GRID2: variants seen among roughly 807,000 people sequenced by gnomAD.
GRID2 encodes the protein glutamate ionotropic receptor delta type subunit 2, also known as glutamate receptor ionotropic, delta-2.
Under a neutral mutation model 114.8 loss-of-function variants are expected in GRID2, and 33 were observed. The ratio of observed to expected loss-of-function variants is 0.29; its 90% CI spans 0.22 to 0.38. GRID2 has a LOEUF of 0.38. GRID2 is among the 10% of genes least tolerant of loss of function. The pLI is 1.00. For synonymous variants in GRID2, 505 were observed against 449.9 expected, an observed-to-expected ratio of 1.12 and a Z score of -1.55; for missense variants, 1,184 against 1,257.7, an observed-to-expected ratio of 0.94 and a Z score of 0.89.
At chr4:93,014,125 G>C (rs1439496341) in intron 2 of GRID2, among the ~76,000 whole-genome samples, 1 of 151,898 alleles carries the variant, frequency 6.6e-6, no homozygotes. Context: ...TAGAAATATG[G>C]GTGTTCTACA....
intron 14 of GRID2, among the ~76,000 whole-genome samples, chr4:93,682,616 T>A (rs375511222): frequency 0.025 from 3,784 of 152,074 alleles, 65 homozygotes; most frequent in Non-Finnish European, 0.027. Context: ...AAATGATGAG[T>A]TCATGTCCTT....
chr4:93,530,472 A>G (rs781742760), intron 13 of GRID2, among the ~76,000 whole-genome samples: 1 of 152,082 alleles, frequency 6.6e-6, no homozygotes, highest in African/African-American at 2.4e-5. Context: ...ATGTTCTTAC[A>G]TATCAGGTAT....
At chr4:93,497,008 G>T (rs948970471) in intron 12 of GRID2, among the ~76,000 whole-genome samples, 2 of 151,532 alleles carry the variant, frequency 1.3e-5, no homozygotes, top group African/African-American at 4.8e-5. Flanking sequence ...CATTGTATGA[G>T]AGATCAAGGG....
chr4:92,974,765 C>A (rs1392480171), intron 2 of GRID2, among the ~76,000 whole-genome samples: 3 of 151,888 alleles, frequency 2.0e-5, no homozygotes, highest in African/African-American at 7.3e-5. Flanking sequence ...AGCAAACCAC[C>A]AGGGCACGTG....
chr4:93,042,679 C>CTATATATAGATATATGCA (rs1725693307), intron 2 of GRID2, among the ~76,000 whole-genome samples: 1 of 136,936 alleles, frequency 7.3e-6, no homozygotes, highest in Non-Finnish European at 1.6e-5. Context: ...CTCTATATAT[C>CTATATATAGATATATGCA]TATATATATA....
rs1047555458 is a variant in GRID2, at chr4:93,664,522, A to C, written c.2360+38087A>C. Among the ~76,000 whole-genome samples the C allele has an allele frequency of 4.6e-5, 7 of 152,164 alleles. No individual in the cohort carries two copies. The South Asian group carries it at 1.4e-3, about 31-fold the overall frequency. On this transcript the variant is annotated intron_variant, in intron 14 of 15. Transcript: ENST00000282020. ...AATAGCTGAGACAGAATTTGCTAAC[A>C]TGTTGGATGTGGAGTCTGAAAGAGA...
At chr4:92,311,277 G>T (rs2110109933) in intron 1 of GRID2, among the ~76,000 whole-genome samples, 2 of 152,074 alleles carry the variant, frequency 1.3e-5, no homozygotes, top group Middle Eastern at 6.8e-3. Flanking sequence ...TATAAAGAAA[G>T]CAACCAATTC....
intron 14 of GRID2, among the ~76,000 whole-genome samples, chr4:93,660,553 T>C (rs964851045): frequency 1.9e-4 from 29 of 152,254 alleles, no homozygotes; most frequent in South Asian, 8.3e-4. Flanking sequence ...AATGGAGCAG[T>C]AGTCGCGTAT....
At position 93,600,610 on chromosome 4, in the gene GRID2, T is replaced by G. The variant is rs1021195170; in HGVS notation, c.2194-25659T>G. Among the ~76,000 whole-genome samples, 5 of 152,130 alleles carry G rather than the reference T, an allele frequency of 3.3e-5. 1 individual carries two copies. Among genetic ancestry groups the G allele is most frequent in the Admixed American group, 3.3e-4 (5 of 15,268 alleles). ...GTGGAGTGACTAGAACTTACATATA[T>G]TGATGATGTAAAATGCGTAAAAACT... On this transcript the variant is annotated intron_variant, in intron 13 of 15. Coordinates refer to ENST00000282020, the MANE Select transcript of GRID2 (RefSeq NM_001510.4).
At chr4:93,661,621 TC>T (rs1435518970) in intron 14 of GRID2, among the ~76,000 whole-genome samples, 1 of 152,212 alleles carries the variant, frequency 6.6e-6, no homozygotes, top group Non-Finnish European at 1.5e-5. Context: ...TACGGGTTAA[TC>T]TGTTGATGAA....
intron 10 of GRID2, among the ~76,000 whole-genome samples, chr4:93,442,970 C>G (rs976357752): frequency 3.9e-5 from 6 of 152,022 alleles, no homozygotes; most frequent in African/African-American, 1.2e-4. Flanking sequence ...GAATTCTCTT[C>G]TCTCTGTCAC....
intron 2 of GRID2, among the ~76,000 whole-genome samples, chr4:93,032,345 G>A (rs1373566140): frequency 1.3e-5 from 2 of 152,106 alleles, no homozygotes; most frequent in Admixed American, 6.6e-5. Context: ...GGTTTATTTT[G>A]GGCAGGATCA....
Position 92,941,840 on chromosome 4 carries a change from C to T in GRID2, c.245-143155C>T, listed in dbSNP as rs1218269200. 3.3e-5 allele frequency among the ~76,000 whole-genome samples: 5 copies of T among 152,174 alleles called. No homozygotes were observed. In the East Asian group the frequency reaches 7.7e-4, roughly 23 times the overall value. On this transcript the variant is annotated intron_variant, in intron 2 of 15. Coordinates refer to ENST00000282020, the MANE Select transcript of GRID2 (RefSeq NM_001510.4). Reference sequence around the variant, plus strand: ...TTTTTTTGTGTACCCAGTAGTCATTCAGGAGCAGGTTGCTCAATTTCCATG... The same window carrying T: ...TTTTTTTGTGTACCCAGTAGTCATTTAGGAGCAGGTTGCTCAATTTCCATG...
At chr4:92,590,399 G>T (rs4142874) in intron 2 of GRID2, 113 bp downstream of exon 2, 2 of 717,410 alleles carry the variant, frequency 2.8e-6, no homozygotes, top group African/African-American at 3.6e-5. Context: ...GTTGATAATA[G>T]GGCATTATTT....
intron 1 of GRID2, among the ~76,000 whole-genome samples, chr4:92,528,759 G>C (rs1236615897): frequency 6.7e-6 from 1 of 149,474 alleles, no homozygotes; most frequent in Non-Finnish European, 1.5e-5. Context: ...ACATACTTTT[G>C]GCAGCCTCTG....
chr4:92,847,938 AATAG>A (rs1485629167), intron 2 of GRID2, among the ~76,000 whole-genome samples: 1 of 152,180 alleles, frequency 6.6e-6, no homozygotes. Flanking sequence ...ATATGTATAT[AATAG>A]ATATATGCCT....
At chr4:93,538,254 T>C (rs903048368) in intron 13 of GRID2, among the ~76,000 whole-genome samples, 1 of 151,572 alleles carries the variant, frequency 6.6e-6, no homozygotes, top group African/African-American at 2.4e-5. Context: ...AAGGAGCAAG[T>C]AGGGAATGCT....
At chr4:92,684,456 A>G (rs1480683237) in intron 2 of GRID2, among the ~76,000 whole-genome samples, 2 of 151,986 alleles carry the variant, frequency 1.3e-5, no homozygotes, top group African/African-American at 4.8e-5. Context: ...TGAGAATGTG[A>G]CATTCTCTTT....
intron 1 of GRID2, among the ~76,000 whole-genome samples, chr4:92,530,735 TAAAAAA>T (rs143078058): frequency 1.9e-4 from 24 of 126,594 alleles, no homozygotes; most frequent in African/African-American, 2.4e-4. Flanking sequence ...CCCCCTCTAC[TAAAAAA>T]AAAAAAAAAA....
Sources: gnomAD v4.1 joint callset for allele counts (sites outside exome capture counted in the v4.1 genomes callset) on GRCh38, gnomAD v4.1.1 for gene constraint, MANE v1.5 for transcripts, NCBI Gene and HGNC (gene_info 2026-07-23, HGNC 2026-07-21) for gene names.